Variants in REX1BD observed in about 807,000 individuals in gnomAD.
The protein encoded by REX1BD is required for excision 1-B domain-containing protein.
A neutral mutation model predicts 24.4 loss-of-function variants in REX1BD; 22 were observed. That is an observed-to-expected ratio of 0.90 (90% CI 0.64 to 1.29). The LOEUF (loss-of-function observed/expected upper bound fraction) is 1.29. REX1BD is among the 50% of genes most tolerant of loss of function. REX1BD has a pLI of 0.00. For synonymous variants in REX1BD, 146 were observed against 125.9 expected (o/e 1.16, Z -1.07); for missense variants, 293 against 285.3 (o/e 1.03, Z -0.19).
intron 4 of REX1BD, chr19:18,591,861 C>T (rs1976049001): frequency 3.9e-6 from 2 of 517,772 alleles, no homozygotes; most frequent in Admixed American, 3.2e-5. Context: ...TCCCAAAGTG[C>T]TGGATTACAG....
chr19:18,589,033 C>T lies in REX1BD; in HGVS notation c.138C>T (p.His46=), dbSNP rs1314886804. ...APIRTLVQRI[H]QLQAERAQGF... ...TCCGGACGCTGGTGCAGCGCATCCA[C>T]CAGCTGCAGGCTGAGCGCGCGCAGG... Residue 46 remains histidine (H), a synonymous_variant, in exon 2 of 5, where the codon CAC becomes CAT. Coordinates refer to ENST00000358607, the MANE Select transcript of REX1BD (RefSeq NM_001100418.2). The T allele has an allele frequency of 6.5e-7, 1 of 1,527,434 alleles. No individual in the cohort carries two copies. 94.6% of individuals were successfully genotyped at this position (1,527,434 alleles called of 1,614,324 possible). A position where few individuals can be genotyped will look rare whatever the true frequency, so the allele number is the denominator to read the frequency against.
chr19:18,590,029 C>T lies in REX1BD; in HGVS notation c.453+346C>T, dbSNP rs141310019. ...TCCCACCCTCAACCTCCCGTAGATA[C>T]AGGCGAGGGGGGTCCCAGGCCACGC... On this transcript the variant is annotated intron_variant, in intron 3 of 4. Transcript: ENST00000358607. 4.3e-3 allele frequency: 1,268 copies of T among 295,082 alleles called. 17 individuals carry two copies. The highest frequency in any genetic ancestry group is 0.022 in the African/African-American group (1,012 of 45,432). The allele number at this position is 295,082 out of a possible 1,614,324, so 18.3% of individuals were successfully genotyped here.
chr19:18,592,192 C>T lies in REX1BD; in HGVS notation c.*12C>T. Reference sequence around the variant, plus strand: ...AATCTGCCGAGTGATGGCGGCTCCCCAGGGATGCGCCGAGGGAGATGGGAA... The same window carrying T: ...AATCTGCCGAGTGATGGCGGCTCCCTAGGGATGCGCCGAGGGAGATGGGAA... On this transcript the variant is annotated 3_prime_UTR_variant, in exon 5 of 5. Coordinates refer to ENST00000358607, the MANE Select transcript of REX1BD (RefSeq NM_001100418.2). The T allele has an allele frequency of 6.2e-7, 1 of 1,613,946 alleles. No individual in the cohort carries two copies. Among genetic ancestry groups the T allele is most frequent in the South Asian group, 1.1e-5 (1 of 91,086 alleles).
rs565217834 is a variant in REX1BD, at chr19:18,591,994, G to A, written c.534-114G>A. ...GCTGCTAGTGCTGCCTGGAGGTTTG[G>A]CGGCGGGCAGGAGGGCCTGGGGCTC... On this transcript the variant is annotated intron_variant, in intron 4 of 4. Transcript: ENST00000358607. 6 of 1,204,384 alleles carry A rather than the reference G, an allele frequency of 5.0e-6. No individual in the cohort carries two copies. The Admixed American group carries it at 9.9e-5, about 20-fold the overall frequency. 74.6% of individuals were successfully genotyped at this position (1,204,384 alleles called of 1,614,324 possible).
chr19:18,589,832 T>TG lies in REX1BD; in HGVS notation c.453+153dup, dbSNP rs1976001592. On this transcript the variant is annotated intron_variant, in intron 3 of 4. Transcript: ENST00000358607. Reference sequence around the variant, plus strand: ...CCCAATCCTCTATTAAGGCTTCACTTGGGGATTCTCGGACCTTGCCCTCTG... The same window carrying TG: ...CCCAATCCTCTATTAAGGCTTCACTTGGGGGATTCTCGGACCTTGCCCTCTG... The TG allele has an allele frequency of 1.2e-5, 15 of 1,206,310 alleles. No homozygotes were observed. In the East Asian group the frequency reaches 2.1e-4, roughly 17 times the overall value. The allele number at this position is 1,206,310 out of a possible 1,614,324, so 74.7% of individuals were successfully genotyped here. A position where few individuals can be genotyped will look rare whatever the true frequency, so the allele number is the denominator to read the frequency against.
Position 18,592,276 on chromosome 19 carries a change from C to G in REX1BD, c.*96C>G. 1.5e-6 allele frequency: 2 copies of G among 1,353,646 alleles called. No individual in the cohort carries two copies. The highest frequency in any genetic ancestry group is 1.2e-5 in the South Asian group (1 of 84,880). The allele number at this position is 1,353,646 out of a possible 1,614,324, so 83.9% of individuals were successfully genotyped here. A position where few individuals can be genotyped will look rare whatever the true frequency, so the allele number is the denominator to read the frequency against. The stretch of plus-strand genomic sequence containing the variant: ...GCCAGCTGGCTGGGGTTGCGCCCCA[C>G]TGCGCTGCTGACCTTCCTGCAGTTC... On this transcript the variant is annotated 3_prime_UTR_variant, in exon 5 of 5. Transcript: ENST00000358607.
chr19:18,590,220 T>G (rs796919573), intron 3 of REX1BD: 1 of 99,966 alleles, frequency 1.0e-5, no homozygotes, highest in Non-Finnish European at 1.8e-5. Context: ...TGGTGTTTTT[T>G]TTTTTTTTTT....
In REX1BD at chr19:18,588,821, C is replaced by T. The variant is rs1471293467; in HGVS notation, c.20C>T (p.Ala7Val). MITETA[A>V]EPTVPAVPAA... ...GCAGTCATGATCACCGAGACCGCGG[C>T]GGAGCCTACGGTCCCTGCAGTGCCT... The change falls in exon 1 of 5, where the codon GCG becomes GTG. Residue 7 changes from alanine to valine, a missense_variant. Ala to Val is a moderately conservative substitution (Grantham distance 64). Coordinates refer to ENST00000358607, the MANE Select transcript of REX1BD (RefSeq NM_001100418.2). 4 of 1,532,506 alleles carry T rather than the reference C, an allele frequency of 2.6e-6. No individual in the cohort carries two copies. The highest frequency in any genetic ancestry group is 2.6e-6 in the Non-Finnish European group (3 of 1,145,704). The allele number at this position is 1,532,506 out of a possible 1,614,324, so 94.9% of individuals were successfully genotyped here.
In REX1BD at chr19:18,589,531, C is replaced by T. The variant is rs749922705; in HGVS notation, c.301C>T (p.Arg101Trp). The stretch of plus-strand genomic sequence containing the variant: ...CCCTGACTACGACTTCGCGCGCTAC[C>T]GGAGCACAGTGCACGGGGTGACCCA... ...SGPDYDFARY[R>W]STVHGVTQAF... The change falls in exon 3 of 5, where the codon CGG becomes TGG. Residue 101 changes from arginine to tryptophan, a missense_variant. Coordinates refer to ENST00000358607, the MANE Select transcript of REX1BD (RefSeq NM_001100418.2). 1.0e-5 allele frequency: 16 copies of T among 1,578,930 alleles called. No homozygotes were observed. Among genetic ancestry groups the T allele is most frequent in the South Asian group, 3.4e-5 (3 of 87,654 alleles).
chr19:18,591,240 A>G (rs1976033842), intron 4 of REX1BD: 3 of 285,858 alleles, frequency 1.0e-5, no homozygotes, highest in Non-Finnish European at 2.0e-5. Context: ...AAGCACACAC[A>G]CTCATGTACA....
At chr19:18,588,934 G>A in intron 1 of REX1BD, 34 bp downstream of exon 1, 2 of 1,524,472 alleles carry the variant, frequency 1.3e-6, no homozygotes, top group Non-Finnish European at 1.8e-6. Context: ...CGGGCGCGGG[G>A]CGGGCGGCGC....
Position 18,589,906 on chromosome 19 carries a change from A to C in REX1BD, c.453+223A>C. 5 of 576,928 alleles carry C rather than the reference A, an allele frequency of 8.7e-6. No homozygotes were observed. In the South Asian group the frequency reaches 1.0e-4, roughly 12 times the overall value. 35.7% of individuals were successfully genotyped at this position (576,928 alleles called of 1,614,324 possible). A position where few individuals can be genotyped will look rare whatever the true frequency, so the allele number is the denominator to read the frequency against. On this transcript the variant is annotated intron_variant, in intron 3 of 4. Coordinates refer to ENST00000358607, the MANE Select transcript of REX1BD (RefSeq NM_001100418.2). Reference sequence around the variant, plus strand: ...CAAGTTTTGTCCTTATTCCCAGAGCACTCCCGCTTTCTCCCAGCTCCGCCT... The same window carrying C: ...CAAGTTTTGTCCTTATTCCCAGAGCCCTCCCGCTTTCTCCCAGCTCCGCCT...
chr19:18,590,208 TCTGG>T, intron 3 of REX1BD: 1 of 106,654 alleles, frequency 9.4e-6, no homozygotes, highest in Non-Finnish European at 1.7e-5. Context: ...CCTTTTTCTT[TCTGG>T]TGTTTTTTTT....
chr19:18,591,067 T>C (rs1976030775), intron 4 of REX1BD, 134 bp downstream of exon 4: 2 of 758,176 alleles, frequency 2.6e-6, no homozygotes, highest in Non-Finnish European at 4.0e-6. Flanking sequence ...AGATGTACAC[T>C]TCCCCAGAGG....
At chr19:18,591,022 C>CTGG in intron 4 of REX1BD, 89 bp downstream of exon 4, 1 of 1,228,438 alleles carries the variant, frequency 8.1e-7, no homozygotes, top group Non-Finnish European at 1.1e-6. Flanking sequence ...GAACCCTCTG[C>CTGG]CAGTGCACAA....
At chr19:18,590,781 T>G in intron 3 of REX1BD, 73 bp from the exon 4 acceptor site, 1 of 1,467,210 alleles carries the variant, frequency 6.8e-7, no homozygotes, top group Non-Finnish European at 9.2e-7. Context: ...TGTTTTTTCC[T>G]GAACATCCTT....
Position 18,592,225 on chromosome 19 carries a change from G to A in REX1BD, c.*45G>A, listed in dbSNP as rs199992749. 2.6e-4 allele frequency: 425 copies of A among 1,610,124 alleles called. No individual in the cohort carries two copies. In the African/African-American group the frequency reaches 4.5e-3, roughly 17 times the overall value. On this transcript the variant is annotated 3_prime_UTR_variant, in exon 5 of 5. Coordinates refer to ENST00000358607, the MANE Select transcript of REX1BD (RefSeq NM_001100418.2). The stretch of plus-strand genomic sequence containing the variant: ...CGCCGAGGGAGATGGGAAACGGGGC[G>A]GATGGCGCCCAGCCCAGCCCTAACT...
At chr19:18,590,756 C>T in intron 3 of REX1BD, 98 bp from the exon 4 acceptor site, 1 of 1,238,310 alleles carries the variant, frequency 8.1e-7, no homozygotes, top group Non-Finnish European at 1.1e-6. Flanking sequence ...CGGGCACTGC[C>T]TTTCTGGGTG....
rs965804049 is a variant in REX1BD, at chr19:18,589,146, C to A, written c.182+69C>A. 4.1e-6 allele frequency: 6 copies of A among 1,462,676 alleles called. No individual in the cohort carries two copies. The East Asian group carries it at 1.3e-4, about 31-fold the overall frequency. 90.6% of individuals were successfully genotyped at this position (1,462,676 alleles called of 1,614,324 possible). A position where few individuals can be genotyped will look rare whatever the true frequency, so the allele number is the denominator to read the frequency against. On this transcript the variant is annotated intron_variant, in intron 2 of 4. Coordinates refer to ENST00000358607, the MANE Select transcript of REX1BD (RefSeq NM_001100418.2). ...GCTCCGGGCGTGGGCGTGTTCTCGG[C>A]GGGCGTGCCTGGAGGAGGAGCTGGG...
Sources: allele counts gnomAD v4.1 joint callset, GRCh38; gene constraint gnomAD v4.1.1; transcripts MANE v1.5; gene names NCBI Gene and HGNC (gene_info 2026-07-23, HGNC 2026-07-21).